Variants in ZEB2 observed in about 807,000 individuals in gnomAD.
ZEB2 encodes zinc finger E-box binding homeobox 2, also known as zinc finger E-box-binding homeobox 2.
A neutral mutation model predicts 99.9 loss-of-function variants in ZEB2; 6 were observed. The observed-to-expected ratio is 0.06, with a 90% confidence interval of 0.03 to 0.12. ZEB2 has a LOEUF of 0.12. Among genes scored for constraint, ZEB2 ranks in the 10% least tolerant of loss-of-function variants. ZEB2 has a pLI of 1.00. For synonymous variants in ZEB2, 517 were observed against 542.5 expected (o/e 0.95, Z 0.65); for missense variants, 969 against 1,502.8 (o/e 0.64, Z 5.87).
At position 144,497,821 on chromosome 2, in the gene ZEB2, CATTCTCAACATATATATATATATGT is replaced by C. The variant is rs1560650389; in HGVS notation, c.73+19432_73+19456del. The C allele has an allele frequency of 1.1e-3, 132 of 123,356 alleles. 3 individuals carry two copies. Among genetic ancestry groups the C allele is most frequent in the African/African-American group, 4.9e-3 (132 of 27,024 alleles). The allele number at this position is 123,356 out of a possible 1,614,324, so 7.6% of individuals were successfully genotyped here. ...GGGAGCTTGTATAAAAAGACACTGT[CATTCTCAACATATATATATATATGT>C]CATTCTCAACATATATATATATATG... On this transcript the variant is annotated intron_variant, in intron 2 of 9. Coordinates refer to ENST00000627532, the MANE Select transcript of ZEB2 (RefSeq NM_014795.4).
At chr2:144,512,775 G>A in intron 2 of ZEB2, 1 of 1,287,126 alleles carries the variant, frequency 7.8e-7, no homozygotes, top group Non-Finnish European at 1.0e-6. Flanking sequence ...GATCAGCCTA[G>A]ATACATAGCC....
chr2:144,478,159 T>G (rs1704456664), intron 2 of ZEB2, among the ~76,000 whole-genome samples: 1 of 152,174 alleles, frequency 6.6e-6, no homozygotes, highest in African/African-American at 2.4e-5. Flanking sequence ...GCTCATCGGG[T>G]GCATACTTTA....
intron 2 of ZEB2, among the ~76,000 whole-genome samples, chr2:144,511,012 T>C (rs1705029321): frequency 6.6e-6 from 1 of 152,162 alleles, no homozygotes; most frequent in African/African-American, 2.4e-5. Context: ...GAGGCAAAAA[T>C]CTTTTCACAG....
rs773411972 is a variant in ZEB2 at position 144,405,037 on chromosome 2, AAGG to A, written c.404-16_404-14del. The A allele has an allele frequency of 6.2e-7, 1 of 1,612,244 alleles. No homozygotes were observed. The highest frequency in any genetic ancestry group is 8.5e-7 in the Non-Finnish European group (1 of 1,179,816). ...TTTGCATTCTTCACTGAAATCATAA[AAGG>A]AGAAGAAATGTTGTTTCCGGGCCTT... On this transcript the variant is annotated splice_polypyrimidine_tract_variant and intron_variant, in intron 4 of 9. Coordinates refer to ENST00000627532, the MANE Select transcript of ZEB2 (RefSeq NM_014795.4).
intron 2 of ZEB2, chr2:144,494,567 C>A (rs571956827): frequency 7.9e-5 from 12 of 152,244 alleles, no homozygotes; most frequent in African/African-American, 2.9e-4. Context: ...AGGTAGACAA[C>A]GTAGGAATAT....
At chr2:144,503,485 A>G (rs1480064698) in intron 2 of ZEB2, among the ~76,000 whole-genome samples, 2 of 152,220 alleles carry the variant, frequency 1.3e-5, no homozygotes, top group African/African-American at 2.4e-5. Context: ...ACACAGAGCT[A>G]GAAAACGGTT....
intron 2 of ZEB2, among the ~76,000 whole-genome samples, chr2:144,443,352 G>C (rs1703940284): frequency 6.6e-6 from 1 of 152,106 alleles, no homozygotes; most frequent in Admixed American, 6.5e-5. Flanking sequence ...CTTTCACTAA[G>C]TATATGCAAA....
chr2:144,411,123 TACACAC>T (rs3073686), intron 4 of ZEB2, among the ~76,000 whole-genome samples: 2 of 117,584 alleles, frequency 1.7e-5, no homozygotes, highest in African/African-American at 6.5e-5. Flanking sequence ...ATCTCATATA[TACACAC>T]ACACACACAC....
At chr2:144,509,252 G>C (rs558488719) in intron 2 of ZEB2, among the ~76,000 whole-genome samples, 2 of 152,094 alleles carry the variant, frequency 1.3e-5, no homozygotes, top group Admixed American at 6.5e-5. Flanking sequence ...CATTATCCCC[G>C]TACCTCACTT....
At chr2:144,467,226 T>C (rs1704284517) in intron 2 of ZEB2, among the ~76,000 whole-genome samples, 1 of 152,180 alleles carries the variant, frequency 6.6e-6, no homozygotes, top group Non-Finnish European at 1.5e-5. Context: ...ATGTGAATTG[T>C]ATAACCTGGT....
intron 2 of ZEB2, among the ~76,000 whole-genome samples, chr2:144,477,494 A>C (rs1244963487): frequency 1.3e-5 from 2 of 152,226 alleles, no homozygotes; most frequent in Non-Finnish European, 2.9e-5. Context: ...ATAATTCTTC[A>C]AAGCCACGAA....
At chr2:144,456,154 G>T (rs1704119415) in intron 2 of ZEB2, among the ~76,000 whole-genome samples, 1 of 152,022 alleles carries the variant, frequency 6.6e-6, no homozygotes, top group Non-Finnish European at 1.5e-5. Flanking sequence ...TCCACAGTTG[G>T]AATCAGCTGA....
At chr2:144,430,661 A>G (rs1184330409) in intron 2 of ZEB2, 1 of 168,784 alleles carries the variant, frequency 5.9e-6, no homozygotes, top group African/African-American at 2.4e-5. Context: ...TAATACTACT[A>G]TTGAGATGTC....
At chr2:144,411,837 A>C (rs964997679) in intron 4 of ZEB2, among the ~76,000 whole-genome samples, 4 of 152,232 alleles carry the variant, frequency 2.6e-5, no homozygotes, top group African/African-American at 7.2e-5. Flanking sequence ...AGTAGTCTGC[A>C]GTATCAAATA....
chr2:144,434,274 C>A (rs1703809768), intron 2 of ZEB2, among the ~76,000 whole-genome samples: 1 of 152,126 alleles, frequency 6.6e-6, no homozygotes, highest in African/African-American at 2.4e-5. Context: ...TCGTTCAATG[C>A]CATCATCAAA....
chr2:144,470,560 G>A (rs1704339677), intron 2 of ZEB2: 1 of 152,094 alleles, frequency 6.6e-6, no homozygotes, highest in South Asian at 2.1e-4. Flanking sequence ...TCTCCAGAGG[G>A]CTGTTACATT....
At chr2:144,493,752 T>C (rs1704717564) in intron 2 of ZEB2, among the ~76,000 whole-genome samples, 1 of 152,190 alleles carries the variant, frequency 6.6e-6, no homozygotes, top group Non-Finnish European at 1.5e-5. Flanking sequence ...CTCTTTGTGA[T>C]ATTAAAATAG....
chr2:144,424,182 C>T (rs1489359695), intron 4 of ZEB2, among the ~76,000 whole-genome samples: 1 of 152,132 alleles, frequency 6.6e-6, no homozygotes, highest in Non-Finnish European at 1.5e-5. Flanking sequence ...AAACAAAACA[C>T]CACTCAGTAT....
intron 7 of ZEB2, 42 bp downstream of exon 7, chr2:144,401,157 A>G (rs1703305014): frequency 6.4e-7 from 1 of 1,556,260 alleles, no homozygotes; most frequent in Admixed American, 1.7e-5. Flanking sequence ...TCCCCTAATT[A>G]AGTAAAATGC....
Sources: allele counts gnomAD v4.1 joint callset (sites outside exome capture counted in the v4.1 genomes callset), GRCh38; gene constraint gnomAD v4.1.1; transcripts MANE v1.5; gene names NCBI Gene and HGNC (gene_info 2026-07-23, HGNC 2026-07-21).